Variants in ARHGAP8 observed in about 807,000 individuals in gnomAD.
ARHGAP8 encodes rho GTPase-activating protein 8.
Under a neutral mutation model 46.1 loss-of-function variants are expected in ARHGAP8, and 62 were observed. That is an observed-to-expected ratio of 1.34 (90% CI 1.10 to 1.66). ARHGAP8 has a LOEUF of 1.66. Ranked by LOEUF, ARHGAP8 falls within the 40% of genes most tolerant of loss-of-function variation. ARHGAP8 has a pLI of 0.00. For synonymous variants in ARHGAP8, 375 were observed against 243.1 expected (o/e 1.54, Z -5.05); for missense variants, 923 against 568.4 (o/e 1.62, Z -6.34).
At chr22:44,862,249 C>T (rs773333467) in intron 11 of ARHGAP8, 26 bp from the exon 12 acceptor site, 5 of 1,568,940 alleles carry the variant, frequency 3.2e-6, no homozygotes, top group East Asian at 2.3e-5. Context: ...GTTCACTCCC[C>T]TTTACTTGTG....
intron 2 of ARHGAP8, among the ~76,000 whole-genome samples, chr22:44,788,492 C>T (rs1404133611): frequency 2.6e-5 from 4 of 152,020 alleles, no homozygotes; most frequent in African/African-American, 9.7e-5. Context: ...TCACTGCAGC[C>T]TCACCCTCCC....
chr22:44,848,208 G>GCTA (rs1298248545), intron 9 of ARHGAP8, among the ~76,000 whole-genome samples, 158 bp downstream of exon 9: 326 of 152,320 alleles, frequency 2.1e-3, no homozygotes, highest in Non-Finnish European at 3.8e-3. Flanking sequence ...GCATCGAGGG[G>GCTA]CCCACTGGTA....
intron 7 of ARHGAP8, among the ~76,000 whole-genome samples, chr22:44,827,239 T>G (rs1223533222): frequency 6.6e-6 from 1 of 151,624 alleles, no homozygotes; most frequent in Non-Finnish European, 1.5e-5. Context: ...AAGGAATGGA[T>G]TCTTCCCTGG....
chr22:44,861,346 C>T lies in ARHGAP8; in HGVS notation c.982-929C>T, dbSNP rs531389717. Among the ~76,000 whole-genome samples the T allele has an allele frequency of 7.9e-5, 12 of 152,298 alleles. 1 individual carries two copies. The highest frequency in any genetic ancestry group is 2.0e-4 in the Admixed American group (3 of 15,298). On this transcript the variant is annotated intron_variant, in intron 11 of 11. Transcript: ENST00000356099. The stretch of plus-strand genomic sequence containing the variant: ...TCCATGGGCACCGATGTGAATGCAC[C>T]TGGTGGGGTGTGGTGTTGCGTGTTA...
intron 4 of ARHGAP8, among the ~76,000 whole-genome samples, chr22:44,812,824 G>A (rs959269002): frequency 1.2e-4 from 19 of 152,274 alleles, no homozygotes; most frequent in Admixed American, 5.2e-4. Context: ...GGCATCTGAC[G>A]AAGGGAAGAG....
chr22:44,757,585 T>C (rs1924784411), intron 1 of ARHGAP8, among the ~76,000 whole-genome samples: 1 of 152,182 alleles, frequency 6.6e-6, no homozygotes, highest in East Asian at 1.9e-4. Context: ...CCCTTTGATC[T>C]TTCTTTTAAA....
chr22:44,791,831 G>A (rs1322934263), intron 2 of ARHGAP8, among the ~76,000 whole-genome samples: 2 of 152,180 alleles, frequency 1.3e-5, no homozygotes, highest in African/African-American at 4.8e-5. Flanking sequence ...GAACAACAAG[G>A]ATGGAGGTGC....
chr22:44,787,945 C>G (rs1453893549), intron 2 of ARHGAP8, among the ~76,000 whole-genome samples: 3 of 121,166 alleles, frequency 2.5e-5, no homozygotes, highest in Admixed American at 2.4e-4. Context: ...TTTTTTCCCC[C>G]CAAATGTCCT....
intron 3 of ARHGAP8, among the ~76,000 whole-genome samples, chr22:44,803,883 C>T (rs1385822864): frequency 2.6e-5 from 4 of 151,142 alleles, no homozygotes; most frequent in Non-Finnish European, 5.9e-5. Context: ...GTCACATGCT[C>T]AGCACAGACT....
chr22:44,858,532 G>GGTT (rs1569184837), intron 10 of ARHGAP8, among the ~76,000 whole-genome samples: 25 of 12,670 alleles, frequency 2.0e-3, no homozygotes, highest in African/African-American at 8.1e-3. Flanking sequence ...ACCATACCCG[G>GGTT]CTTTTTTTTT....
chr22:44,830,516 AT>A (rs942474782), intron 7 of ARHGAP8, among the ~76,000 whole-genome samples: 1 of 148,688 alleles, frequency 6.7e-6, no homozygotes, highest in African/African-American at 2.5e-5. Flanking sequence ...TTGCATTTTT[AT>A]TTTTTATTTT....
chr22:44,820,584 C>T (rs759297720), intron 5 of ARHGAP8, among the ~76,000 whole-genome samples: 12 of 152,082 alleles, frequency 7.9e-5, no homozygotes, highest in South Asian at 2.1e-4. Flanking sequence ...CCCTTCCCTC[C>T]GGGGGCTGGG....
chr22:44,839,228 G>T (rs1370455635), intron 7 of ARHGAP8, among the ~76,000 whole-genome samples: 1 of 152,178 alleles, frequency 6.6e-6, no homozygotes, highest in African/African-American at 2.4e-5. Flanking sequence ...GAGGCAGGGG[G>T]CCAGGTCCGT....
rs201724810 is a variant in ARHGAP8 at position 44,845,336 on chromosome 22, G to C, written c.664G>C (p.Glu222Gln). The C allele has an allele frequency of 2.4e-4, 388 of 1,614,106 alleles. 2 individuals are homozygous for C. The South Asian group carries it at 4.0e-3, about 17-fold the overall frequency. Reference sequence around the variant, plus strand: ...GAGGTTCACAGTGACGTACCTGAGAGAGAAAGGTGAGACGGGGCCGGCTCC... The same window carrying C: ...GAGGTTCACAGTGACGTACCTGAGACAGAAAGGTGAGACGGGGCCGGCTCC... ...VLRFTVTYLR[E>Q]KGLRTEGLFR... The change falls in exon 8 of 12, where the codon GAG (glutamate) becomes CAG (glutamine). Residue 222 changes from glutamate (E) to glutamine (Q), a missense_variant. Coordinates refer to ENST00000356099, the MANE Select transcript of ARHGAP8 (RefSeq NM_181335.3).
intron 2 of ARHGAP8, among the ~76,000 whole-genome samples, chr22:44,791,132 A>G (rs928854264): frequency 2.6e-5 from 4 of 152,002 alleles, no homozygotes; most frequent in African/African-American, 9.7e-5. Context: ...TCCCAGCAAA[A>G]AGAAAACTAA....
intron 5 of ARHGAP8, among the ~76,000 whole-genome samples, chr22:44,821,473 T>C (rs1429100160): frequency 6.6e-6 from 1 of 151,478 alleles, no homozygotes; most frequent in African/African-American, 2.4e-5. Context: ...AATAAAGAAA[T>C]AATACTGTCC....
intron 9 of ARHGAP8, 103 bp from the exon 10 acceptor site, chr22:44,848,829 C>T (rs1422964940): frequency 5.1e-6 from 8 of 1,556,052 alleles, no homozygotes; most frequent in South Asian, 2.4e-5. Context: ...GCATCAGGTG[C>T]GTCCCATCCG....
chr22:44,804,873 C>A (rs934308609), intron 3 of ARHGAP8, among the ~76,000 whole-genome samples: 7 of 152,198 alleles, frequency 4.6e-5, no homozygotes, highest in African/African-American at 1.2e-4. Context: ...AGAGACCTGG[C>A]GGGGAGCAGG....
chr22:44,788,112 A>G (rs889954634), intron 2 of ARHGAP8, among the ~76,000 whole-genome samples: 2 of 149,302 alleles, frequency 1.3e-5, no homozygotes, highest in African/African-American at 4.9e-5. Context: ...TATTATTATT[A>G]TTATTATTTT....
Sources: allele counts gnomAD v4.1 joint callset (sites outside exome capture counted in the v4.1 genomes callset), GRCh38; gene constraint gnomAD v4.1.1; transcripts MANE v1.5; gene names NCBI Gene and HGNC (gene_info 2026-07-23, HGNC 2026-07-21).